The following POLRMT variants were observed in gnomAD, a reference collection of about 807,000 sequenced individuals.
The protein encoded by POLRMT is DNA-directed RNA polymerase, mitochondrial.
A neutral mutation model predicts 132.2 loss-of-function variants in POLRMT; 114 were observed. The observed-to-expected ratio is 0.86, with a 90% CI of 0.74 to 1.01. POLRMT has a LOEUF of 1.01. POLRMT is among the 50% of genes least tolerant of loss of function. The pLI, the probability that POLRMT is intolerant of heterozygous loss-of-function variation, is 0.00. For missense variants in POLRMT, 2,003 were observed against 1,729.1 expected, an observed-to-expected ratio of 1.16 and a Z score of -2.81; for synonymous variants, 1,020 against 773.4, an observed-to-expected ratio of 1.32 and a Z score of -5.29.
chr19:620,591 C>G, intron 10 of POLRMT, 104 bp from the exon 11 acceptor site: 1 of 1,360,852 alleles, frequency 7.3e-7, no homozygotes, highest in Non-Finnish European at 9.7e-7. Context: ...AGACGCACAC[C>G]CGTGATAGTG....
At chr19:617,994 C>T (rs955508277) in intron 17 of POLRMT, 145 bp from the exon 18 acceptor site, 19 of 681,302 alleles carry the variant, frequency 2.8e-5, no homozygotes, top group Non-Finnish European at 4.6e-5. Flanking sequence ...CCTCGCCCCG[C>T]CCCTCCCCAA....
In POLRMT at chr19:629,788, C is replaced by T. The variant is rs766999181; in HGVS notation, c.574G>A (p.Ala192Thr). The T allele has an allele frequency of 7.0e-6, 11 of 1,571,066 alleles. No individual in the cohort carries two copies. The highest frequency in any genetic ancestry group is 9.5e-6 in the Non-Finnish European group (11 of 1,159,516). Residue 192 changes from alanine (A) to threonine (T), a missense_variant, in exon 3 of 21, where the codon GCC becomes ACC. Coordinates refer to ENST00000588649, the MANE Select transcript of POLRMT (RefSeq NM_005035.4). ...CCAGGGGCCTCCTGCAGCAGCCGGG[C>T]CAGCTGCTCCTCCCAGGGGCTCTCG... ...APESPWEEQL[A>T]RLLQEAPGKL...
In POLRMT at chr19:620,243, C is replaced by T. The variant is rs766351002; in HGVS notation, c.2763+122G>A. ...GGGAGAGACCAGGAGCCATGGCTCC[C>T]GCACACTCTAGGACCACCTCCAGAG... On this transcript the variant is annotated intron_variant, in intron 11 of 20. Coordinates refer to ENST00000588649, the MANE Select transcript of POLRMT (RefSeq NM_005035.4). 127 of 1,450,746 alleles carry T rather than the reference C, an allele frequency of 8.8e-5. 1 individual carries two copies. The East Asian group carries it at 2.4e-3, about 27-fold the overall frequency. 89.9% of individuals were successfully genotyped at this position (1,450,746 alleles called of 1,614,324 possible).
intron 17 of POLRMT, 83 bp from the exon 18 acceptor site, chr19:617,932 C>T: frequency 7.5e-7 from 1 of 1,342,142 alleles, no homozygotes; most frequent in Non-Finnish European, 1.1e-6. Context: ...GCGCTCAGCC[C>T]CCTCCACTTG....
In POLRMT at chr19:625,349, C is replaced by T. The variant is rs1402102454; in HGVS notation, c.823-95G>A. The T allele has an allele frequency of 2.6e-6, 4 of 1,525,534 alleles. No homozygotes were observed. The African/African-American group carries it at 5.5e-5, about 21-fold the overall frequency. 94.5% of individuals were successfully genotyped at this position (1,525,534 alleles called of 1,614,324 possible). Reference sequence around the variant, plus strand: ...GACCCCTTCTCTGTAGCCACCAGCTCAGCAGGGGACAGGGTCACCAGGCAG... The same window carrying T: ...GACCCCTTCTCTGTAGCCACCAGCTTAGCAGGGGACAGGGTCACCAGGCAG... On this transcript the variant is annotated intron_variant, in intron 3 of 20. Coordinates refer to ENST00000588649, the MANE Select transcript of POLRMT (RefSeq NM_005035.4).
In POLRMT at chr19:619,313, G is replaced by A. The variant is rs1366285886; in HGVS notation, c.3067-17C>T. On this transcript the variant is annotated splice_polypyrimidine_tract_variant and intron_variant, in intron 13 of 20. Coordinates refer to ENST00000588649, the MANE Select transcript of POLRMT (RefSeq NM_005035.4). The stretch of plus-strand genomic sequence containing the variant: ...CACGAACTCCTGCAGAGGGCGGGCA[G>A]CAGGTGCAGGTCCTCAGGGGCTGGC... 5 of 1,606,730 alleles carry A rather than the reference G, an allele frequency of 3.1e-6. No individual in the cohort carries two copies. The highest frequency in any genetic ancestry group is 4.2e-6 in the Non-Finnish European group (5 of 1,177,372).
At chr19:618,318 T>G in intron 17 of POLRMT, 170 bp downstream of exon 17, 1 of 602,026 alleles carries the variant, frequency 1.7e-6, no homozygotes, top group South Asian at 2.2e-5. Flanking sequence ...CAGGACCACC[T>G]ACATTCGGGG....
At chr19:619,802 C>A in intron 12 of POLRMT, 37 bp from the exon 13 acceptor site, 1 of 1,550,658 alleles carries the variant, frequency 6.4e-7, no homozygotes, top group South Asian at 1.2e-5. Flanking sequence ...GGGTCAGCCC[C>A]GCTAGCAGCC....
intron 3 of POLRMT, among the ~76,000 whole-genome samples, chr19:626,520 C>G (rs1985024478): frequency 6.7e-6 from 1 of 148,318 alleles, no homozygotes; most frequent in Non-Finnish European, 1.5e-5. Flanking sequence ...GGCACAGTGG[C>G]TCATGCCTGT....
intron 5 of POLRMT, 43 bp downstream of exon 5, chr19:624,676 C>T: frequency 6.3e-7 from 1 of 1,580,130 alleles, no homozygotes; most frequent in East Asian, 2.3e-5. Context: ...CCCCAAAGGG[C>T]AGCTATAAGG....
chr19:620,946 G>GCGCC lies in POLRMT; in HGVS notation c.2640+111_2640+112insGGCG, dbSNP rs1984506559. 81 of 369,472 alleles carry GCGCC rather than the reference G, an allele frequency of 2.2e-4. 3 individuals carry two copies. The highest frequency in any genetic ancestry group is 2.1e-3 in the Admixed American group (24 of 11,460). The allele number at this position is 369,472 out of a possible 1,614,324, so 22.9% of individuals were successfully genotyped here. ...GCAGGGGGCGCCAGGGGAGGGGGAG[G>GCGCC]GGAGGAGGAAGACGGGCAGGGGGCG... On this transcript the variant is annotated intron_variant, in intron 10 of 20. Transcript: ENST00000588649.
At position 624,750 on chromosome 19, in the gene POLRMT, G is replaced by A; in HGVS notation, c.1109C>T (p.Thr370Ile). ...LPPQLPPPVNTSKLLRDVYAK... is the reference protein window; with the variant it reads ...LPPQLPPPVNISKLLRDVYAK... Reference sequence around the variant, plus strand: ...ATACACGTCCCTGAGCAGCTTGGAGGTGTTGACCGGGGGCGGCAGCTGCGG... The same window carrying A: ...ATACACGTCCCTGAGCAGCTTGGAGATGTTGACCGGGGGCGGCAGCTGCGG... Residue 370 changes from threonine to isoleucine, a missense_variant, in exon 5 of 21, where the codon ACC becomes ATC. By Grantham distance (89) the Thr-to-Ile change is moderately conservative (BLOSUM62 -1). Transcript: ENST00000588649. 7 of 1,613,926 alleles carry A rather than the reference G, an allele frequency of 4.3e-6. No homozygotes were observed. The highest frequency in any genetic ancestry group is 5.9e-6 in the Non-Finnish European group (7 of 1,180,006).
intron 5 of POLRMT, 43 bp downstream of exon 5, chr19:624,676 C>A: frequency 1.3e-6 from 2 of 1,580,130 alleles, no homozygotes; most frequent in Non-Finnish European, 1.7e-6. Context: ...CCCCAAAGGG[C>A]AGCTATAAGG....
At chr19:632,516 T>C (rs1221975955) in intron 2 of POLRMT, among the ~76,000 whole-genome samples, 3 of 140,790 alleles carry the variant, frequency 2.1e-5, no homozygotes, top group African/African-American at 8.2e-5. Flanking sequence ...GCTCTGCACA[T>C]GTGGCCTTGG....
At chr19:623,650 C>G in intron 5 of POLRMT, 47 bp from the exon 6 acceptor site, 3 of 1,598,642 alleles carry the variant, frequency 1.9e-6, no homozygotes, top group South Asian at 1.1e-5. Flanking sequence ...AGAGGGCGAC[C>G]TGCCCTCCCA....
chr19:624,761 G>T lies in POLRMT; in HGVS notation c.1098C>A (p.Pro366=), dbSNP rs753709111. 2 of 1,613,820 alleles carry T rather than the reference G, an allele frequency of 1.2e-6. No individual in the cohort carries two copies. Among genetic ancestry groups the T allele is most frequent in the Non-Finnish European group, 1.7e-6 (2 of 1,180,022 alleles). Residue 366 remains proline, a synonymous_variant, in exon 5 of 21, where the codon CCC becomes CCA. Transcript: ENST00000588649. Reference sequence around the variant, plus strand: ...TGAGCAGCTTGGAGGTGTTGACCGGGGGCGGCAGCTGCGGCGGGAGGCTGA... The same window carrying T: ...TGAGCAGCTTGGAGGTGTTGACCGGTGGCGGCAGCTGCGGCGGGAGGCTGA... ...PTFSLPPQLP[P]PVNTSKLLRD... is the part of the protein sequence containing the mutation.
intron 2 of POLRMT, among the ~76,000 whole-genome samples, chr19:631,500 G>A (rs1210509505): frequency 1.3e-5 from 2 of 151,954 alleles, no homozygotes; most frequent in South Asian, 2.1e-4. Flanking sequence ...TTAACCGGGC[G>A]TGGTGGTGCG....
At chr19:623,979 TAA>T (rs532568111) in intron 5 of POLRMT, among the ~76,000 whole-genome samples, 97 of 152,314 alleles carry the variant, frequency 6.4e-4, no homozygotes, top group African/African-American at 2.3e-3. Context: ...AAATAACAAC[TAA>T]AGCCTAGCGC....
At chr19:627,071 C>T (rs1389770895) in intron 3 of POLRMT, among the ~76,000 whole-genome samples, 1 of 151,822 alleles carries the variant, frequency 6.6e-6, no homozygotes, top group Non-Finnish European at 1.5e-5. Context: ...TCCTCCCACC[C>T]CATAGTCCTG....
Sources: gnomAD v4.1 joint callset for allele counts (sites outside exome capture counted in the v4.1 genomes callset) on GRCh38, gnomAD v4.1.1 for gene constraint, MANE v1.5 for transcripts, NCBI Gene and HGNC (gene_info 2026-07-23, HGNC 2026-07-21) for gene names.